The following ENTREP2 variants were observed in gnomAD, a reference collection of about 807,000 sequenced individuals.
ENTREP2 encodes the protein endosomal transmembrane epsin interactor 2.
the ENTREP2 span, among the ~76,000 whole-genome samples, chr15:29,553,714 C>T: frequency 0.011 from 1,684 of 152,256 alleles, 34 homozygotes; most frequent in African/African-American, 0.038. Flanking sequence ...GTCCAACTAC[C>T]CTGAGACCAC....
chr15:29,355,203 C>T, the ENTREP2 span, among the ~76,000 whole-genome samples: 1 of 152,150 alleles, frequency 6.6e-6, no homozygotes, highest in Non-Finnish European at 1.5e-5. Context: ...CTATGGCTAG[C>T]CCTGACAGCC....
chr15:29,469,796 CCCTT>C, the ENTREP2 span, among the ~76,000 whole-genome samples: 1 of 151,774 alleles, frequency 6.6e-6, no homozygotes, highest in African/African-American at 2.4e-5. Flanking sequence ...TAAAAAGCCT[CCCTT>C]CCAGCTCCAA....
chr15:29,185,723 G>C, the ENTREP2 span, among the ~76,000 whole-genome samples: 1 of 151,910 alleles, frequency 6.6e-6, no homozygotes, highest in Non-Finnish European at 1.5e-5. Flanking sequence ...CACCACACCT[G>C]GCTAATTTTT....
At chr15:29,488,973 G>A in the ENTREP2 span, among the ~76,000 whole-genome samples, 2 of 152,158 alleles carry the variant, frequency 1.3e-5, no homozygotes, top group Non-Finnish European at 2.9e-5. Context: ...AGGGGAAATA[G>A]GGAGAAACAA....
At chr15:29,155,104 A>G in the ENTREP2 span, among the ~76,000 whole-genome samples, 1 of 147,418 alleles carries the variant, frequency 6.8e-6, no homozygotes, top group Non-Finnish European at 1.5e-5. Flanking sequence ...AACACGGTGA[A>G]ACCCCGTCTC....
At chr15:29,491,382 G>A in the ENTREP2 span, among the ~76,000 whole-genome samples, 1 of 152,214 alleles carries the variant, frequency 6.6e-6, no homozygotes, top group Admixed American at 6.5e-5. Flanking sequence ...CGAGGCCCAG[G>A]AGGTGCAGAG....
At chr15:29,306,664 AT>A in the ENTREP2 span, among the ~76,000 whole-genome samples, 33 of 77,308 alleles carry the variant, frequency 4.3e-4, no homozygotes, top group East Asian at 1.5e-3. Context: ...ATAATTGGTA[AT>A]TTTTTTTTTT....
the ENTREP2 span, among the ~76,000 whole-genome samples, chr15:29,513,662 G>C: frequency 6.6e-6 from 1 of 152,148 alleles, no homozygotes; most frequent in African/African-American, 2.4e-5. Flanking sequence ...GCTCCACTTT[G>C]AAAACAAAAG....
chr15:29,234,680 T>G, the ENTREP2 span: 81 of 1,563,416 alleles, frequency 5.2e-5, no homozygotes, highest in Non-Finnish European at 6.8e-5. Flanking sequence ...AGTGTAAGGG[T>G]CATTGGGTAC....
At chr15:29,505,323 C>T in the ENTREP2 span, among the ~76,000 whole-genome samples, 2 of 152,180 alleles carry the variant, frequency 1.3e-5, no homozygotes, top group African/African-American at 2.4e-5. The surrounding 1 kb of genome is among the most constrained non-coding windows in gnomAD (Gnocchi z 4.3). Context: ...CAGCTATGGG[C>T]GCAGCTTCAG....
At chr15:29,278,573 G>A in the ENTREP2 span, among the ~76,000 whole-genome samples, 1 of 152,228 alleles carries the variant, frequency 6.6e-6, no homozygotes, top group Non-Finnish European at 1.5e-5. Flanking sequence ...CATGTAGACA[G>A]TGTGCCCTCT....
the ENTREP2 span, among the ~76,000 whole-genome samples, chr15:29,667,434 C>G: frequency 2.0e-5 from 3 of 151,074 alleles, no homozygotes; most frequent in African/African-American, 7.3e-5. Flanking sequence ...ATGATCTGCC[C>G]ATCTTGGCCT....
the ENTREP2 span, among the ~76,000 whole-genome samples, chr15:29,544,448 C>T: frequency 6.6e-6 from 1 of 152,064 alleles, no homozygotes; most frequent in East Asian, 1.9e-4. Context: ...TGTGAATGTA[C>T]CTACTACTGA....
the ENTREP2 span, among the ~76,000 whole-genome samples, chr15:29,584,837 A>T: frequency 6.6e-6 from 1 of 152,210 alleles, no homozygotes; most frequent in Admixed American, 6.5e-5. Context: ...AATGGTAATT[A>T]TGTGAGATGA....
At chr15:29,312,417 T>A in the ENTREP2 span, among the ~76,000 whole-genome samples, 3 of 152,224 alleles carry the variant, frequency 2.0e-5, no homozygotes, top group Non-Finnish European at 1.5e-5. Flanking sequence ...GTTCTTCACT[T>A]TATCATGCTT....
chr15:29,570,404 G>C, the ENTREP2 span: 48 of 730,512 alleles, frequency 6.6e-5, no homozygotes, highest in Non-Finnish European at 7.8e-5. Flanking sequence ...GTTGGCCGCC[G>C]GAACTTGCCG....
the ENTREP2 span, chr15:29,234,460 T>A: frequency 2.0e-6 from 3 of 1,492,304 alleles, no homozygotes; most frequent in Non-Finnish European, 2.8e-6. Flanking sequence ...CTGTAGCTCT[T>A]GTGCCCAGCA....
the ENTREP2 span, among the ~76,000 whole-genome samples, chr15:29,389,199 A>G: frequency 2.6e-5 from 4 of 151,914 alleles, no homozygotes; most frequent in Non-Finnish European, 5.9e-5. Context: ...CCCTCACCAG[A>G]AACCAAGCTT....
chr15:29,390,554 G>C, the ENTREP2 span, among the ~76,000 whole-genome samples: 1 of 152,144 alleles, frequency 6.6e-6, no homozygotes, highest in South Asian at 2.1e-4. Context: ...CAGCCTAATA[G>C]AGGCAAGAGA....
Sources: allele counts gnomAD v4.1 joint callset (sites outside exome capture counted in the v4.1 genomes callset), GRCh38; gene constraint gnomAD v4.1.1; non-coding constraint Gnocchi (gnomAD v3.1); transcripts MANE v1.5; gene names NCBI Gene and HGNC (gene_info 2026-07-23, HGNC 2026-07-21).